The following BFAR variants were observed in gnomAD, a reference collection of about 807,000 sequenced individuals.
BFAR encodes bifunctional apoptosis regulator.
A neutral mutation model predicts 54.4 loss-of-function variants in BFAR; 52 were observed. The observed-to-expected ratio is 0.96, with a 90% confidence interval of 0.77 to 1.21. The LOEUF (loss-of-function observed/expected upper bound fraction) is 1.21, where lower values mean the gene tolerates loss of function less well. BFAR is among the 50% of genes most tolerant of loss of function. The probability of loss-of-function intolerance (pLI) is 0.00; values close to 1 mark genes in which losing one functional copy is unlikely to be tolerated. For missense variants in BFAR, 571 were observed against 534.0 expected (o/e 1.07, Z -0.68); for synonymous variants, 215 against 204.3 (o/e 1.05, Z -0.45).
chr16:14,651,645 A>C (rs1420321658), intron 4 of BFAR, among the ~76,000 whole-genome samples: 1 of 151,848 alleles, frequency 6.6e-6, no homozygotes, highest in Non-Finnish European at 1.5e-5. Flanking sequence ...AGGCCCAGCT[A>C]ATTTTTGTAT....
At chr16:14,637,910 T>C (rs1027078194) in intron 1 of BFAR, among the ~76,000 whole-genome samples, 14 of 152,174 alleles carry the variant, frequency 9.2e-5, no homozygotes, top group Admixed American at 6.5e-5. Context: ...TAGAGAAGTT[T>C]AATTTCTCTC....
chr16:14,651,764 G>GC (rs1959974869), intron 4 of BFAR, among the ~76,000 whole-genome samples: 1 of 151,820 alleles, frequency 6.6e-6, no homozygotes, highest in Non-Finnish European at 1.5e-5. Flanking sequence ...ATAGGCATGA[G>GC]CCCCCGCACC....
rs545185993 is a variant in BFAR, at chr16:14,665,279, A to G, written c.1160+208A>G. 1.1e-5 allele frequency: 6 copies of G among 550,592 alleles called. No individual in the cohort carries two copies. The South Asian group carries it at 1.4e-4, about 13-fold the overall frequency. The allele number at this position is 550,592 out of a possible 1,614,324, so 34.1% of individuals were successfully genotyped here. A position where few individuals can be genotyped will look rare whatever the true frequency, so the allele number is the denominator to read the frequency against. On this transcript the variant is annotated intron_variant, in intron 7 of 7. Transcript: ENST00000261658. ...GGTTGTGGTGCTCATTGTTAAAAGT[A>G]TTTTCCTATATGTCTTATCTCTATG...
In BFAR at chr16:14,650,248, T is replaced by C. The variant is rs1210824871; in HGVS notation, c.638+275T>C. 7 of 273,400 alleles carry C rather than the reference T, an allele frequency of 2.6e-5. No individual in the cohort carries two copies. The East Asian group carries it at 4.5e-4, about 18-fold the overall frequency. 16.9% of individuals were successfully genotyped at this position (273,400 alleles called of 1,614,324 possible). On this transcript the variant is annotated intron_variant, in intron 4 of 7. Transcript: ENST00000261658. Reference sequence around the variant, plus strand: ...GGGAGGCTGAGACAGGAGAATCACTTGAACCCAAGAGGTGGAGGTTACAAT... The same window carrying C: ...GGGAGGCTGAGACAGGAGAATCACTCGAACCCAAGAGGTGGAGGTTACAAT...
intron 1 of BFAR, among the ~76,000 whole-genome samples, chr16:14,634,798 C>T (rs561411594): frequency 1.4e-4 from 21 of 152,226 alleles, no homozygotes; most frequent in Admixed American, 1.1e-3. Flanking sequence ...CAGTGTCACT[C>T]CTAAGACCAT....
Position 14,667,660 on chromosome 16 carries a change from C to T in BFAR, c.1186C>T (p.His396Tyr), listed in dbSNP as rs780961829. ...LKTVPQRMWS[H>Y]FWKVSTQGLF... ...GACCGTGCCTCAGAGGATGTGGAGC[C>T]ATTTCTGGAAAGTATCAACGCAGGG... The change falls in exon 8 of 8, where the codon CAT (histidine) becomes TAT (tyrosine). Residue 396 changes from histidine to tyrosine, a missense_variant. His to Tyr is a moderately conservative substitution (Grantham distance 83). Transcript: ENST00000261658. 1.5e-5 allele frequency: 25 copies of T among 1,613,978 alleles called. No individual in the cohort carries two copies. Among genetic ancestry groups the T allele is most frequent in the Non-Finnish European group, 1.9e-5 (22 of 1,180,018 alleles).
chr16:14,659,473 A>C (rs922269761), intron 5 of BFAR, among the ~76,000 whole-genome samples: 2 of 150,540 alleles, frequency 1.3e-5, no homozygotes, highest in Admixed American at 6.6e-5. Context: ...CGAACTCCTG[A>C]CCTCAGGCAA....
At chr16:14,633,933 G>A (rs182135129) in intron 1 of BFAR, among the ~76,000 whole-genome samples, 1 of 152,232 alleles carries the variant, frequency 6.6e-6, no homozygotes, top group Non-Finnish European at 1.5e-5. Flanking sequence ...GATTACAGGC[G>A]TGAGCCACCG....
intron 2 of BFAR, among the ~76,000 whole-genome samples, chr16:14,648,121 G>A (rs567852473): frequency 1.6e-4 from 25 of 152,078 alleles, no homozygotes; most frequent in South Asian, 8.3e-4. Context: ...GGTGTGCACC[G>A]GTGAGCCAAG....
At chr16:14,640,775 A>C (rs1959597994) in intron 1 of BFAR, among the ~76,000 whole-genome samples, 1 of 152,222 alleles carries the variant, frequency 6.6e-6, no homozygotes, top group African/African-American at 2.4e-5. Context: ...GTAGATCAGC[A>C]GTAGCTCTTA....
intron 5 of BFAR, among the ~76,000 whole-genome samples, chr16:14,660,415 T>C (rs928132020): frequency 2.6e-5 from 4 of 151,812 alleles, no homozygotes; most frequent in Admixed American, 6.6e-5. Flanking sequence ...GCCTCCCGAG[T>C]AGCTGGGATT....
intron 5 of BFAR, among the ~76,000 whole-genome samples, chr16:14,660,117 T>TCCCTCCCAG (rs989904200): frequency 6.6e-5 from 10 of 152,120 alleles, no homozygotes; most frequent in Admixed American, 2.0e-4. Flanking sequence ...TGTTAAGCCT[T>TCCCTCCCAG]CCCTCCCAGC....
At chr16:14,638,155 A>C (rs1596963703) in intron 1 of BFAR, among the ~76,000 whole-genome samples, 2 of 152,322 alleles carry the variant, frequency 1.3e-5, no homozygotes, top group South Asian at 4.1e-4. Context: ...AGCTGAGACC[A>C]GATGATTGCT....
At chr16:14,644,718 G>A in intron 2 of BFAR, 109 bp downstream of exon 2, 2 of 1,366,278 alleles carry the variant, frequency 1.5e-6, no homozygotes, top group Non-Finnish European at 2.0e-6. Context: ...TGTTGCCCAG[G>A]CTGGTCTCAA....
chr16:14,665,233 T>G, intron 7 of BFAR, 162 bp downstream of exon 7: 1 of 680,682 alleles, frequency 1.5e-6, no homozygotes, highest in Non-Finnish European at 2.4e-6. Flanking sequence ...ATAGGACAAT[T>G]ACCTGTGTTT....
chr16:14,655,042 A>G (rs746290581), intron 4 of BFAR, 24 bp from the exon 5 acceptor site: 20 of 1,581,156 alleles, frequency 1.3e-5, no homozygotes, highest in Non-Finnish European at 1.6e-5. Flanking sequence ...ATCGCAAAAT[A>G]AATCTCCTCC....
At chr16:14,657,153 T>G (rs767503321) in intron 5 of BFAR, among the ~76,000 whole-genome samples, 2 of 152,186 alleles carry the variant, frequency 1.3e-5, no homozygotes, top group Non-Finnish European at 2.9e-5. Context: ...GTGTATTACT[T>G]TAATAACTAG....
intron 5 of BFAR, among the ~76,000 whole-genome samples, chr16:14,659,529 C>T (rs1487138536): frequency 1.3e-5 from 2 of 151,624 alleles, no homozygotes; most frequent in Non-Finnish European, 2.9e-5. Context: ...CAGGCGTGAG[C>T]CACCATGTCC....
At position 14,668,206 on chromosome 16, in the gene BFAR, G is replaced by A. The variant is rs1375679887; in HGVS notation, c.*379G>A. 1 of 215,364 alleles carries A rather than the reference G, an allele frequency of 4.6e-6. No homozygotes were observed. The highest frequency in any genetic ancestry group is 9.2e-6 in the Non-Finnish European group (1 of 108,240). 13.3% of individuals were successfully genotyped at this position (215,364 alleles called of 1,614,324 possible). On this transcript the variant is annotated 3_prime_UTR_variant, in exon 8 of 8. Coordinates refer to ENST00000261658, the MANE Select transcript of BFAR (RefSeq NM_016561.3). ...CTCCCCAACCTCAGTGACTGACAGAGGATCCGGATCTCAGAGCCTGAGACC... is the reference window on the plus strand; with the variant it reads ...CTCCCCAACCTCAGTGACTGACAGAAGATCCGGATCTCAGAGCCTGAGACC...
Sources: allele counts gnomAD v4.1 joint callset (sites outside exome capture counted in the v4.1 genomes callset), GRCh38; gene constraint gnomAD v4.1.1; transcripts MANE v1.5; gene names NCBI Gene and HGNC (gene_info 2026-07-23, HGNC 2026-07-21).